PCNX2: variants seen among roughly 807,000 people sequenced by gnomAD.
PCNX2 encodes pecanex 2, also known as pecanex-like protein 2.
Under a neutral mutation model 223.8 loss-of-function variants are expected in PCNX2, and 168 were observed. The ratio of observed to expected loss-of-function variants is 0.75; its 90% CI spans 0.66 to 0.85. PCNX2 has a LOEUF of 0.85. Ranked by LOEUF, PCNX2 falls within the 40% of genes least tolerant of loss-of-function variation. PCNX2 has a pLI of 0.00. For missense variants in PCNX2, 2,507 were observed against 2,675.5 expected (o/e 0.94, Z 1.39); for synonymous variants, 1,006 against 1,052.6 (o/e 0.96, Z 0.86).
the PCNX2 span, among the ~76,000 whole-genome samples, chr1:233,305,400 G>T: frequency 2.0e-5 from 3 of 152,108 alleles, no homozygotes; most frequent in Non-Finnish European, 4.4e-5. Context: ...GATGCTAATT[G>T]TAATCTCTAG....
intron 8 of PCNX2, among the ~76,000 whole-genome samples, chr1:233,243,244 G>A (rs1658885410): frequency 6.6e-6 from 1 of 152,146 alleles, no homozygotes; most frequent in African/African-American, 2.4e-5. Context: ...CGGTAACAAG[G>A]CTCAACAATA....
chr1:233,288,775 T>C lies in PCNX2; in HGVS notation c.153+6551A>G, dbSNP rs1661585365. ...TGGAGGGACTGAGTCTGTAGTTCTT[T>C]TGGAGGCCCAGGACCCAGGAAAGAT... is the stretch of plus-strand genomic sequence containing the variant. On this transcript the variant is annotated intron_variant, in intron 1 of 33. Transcript: ENST00000258229. 6.1e-6 allele frequency: 4 copies of C among 651,942 alleles called. 1 individual carries two copies. In the South Asian group the frequency reaches 6.2e-5, roughly 10 times the overall value. 40.4% of individuals were successfully genotyped at this position (651,942 alleles called of 1,614,324 possible). A position where few individuals can be genotyped will look rare whatever the true frequency, so the allele number is the denominator to read the frequency against.
At chr1:233,239,634 C>T (rs370497232) in intron 8 of PCNX2, among the ~76,000 whole-genome samples, 122 of 152,156 alleles carry the variant, frequency 8.0e-4, no homozygotes, top group Non-Finnish European at 1.3e-3. Flanking sequence ...ATATTTTCCT[C>T]GTAGGTATCA....
rs370457665 is a variant in PCNX2 at position 233,160,394 on chromosome 1, C to T, written c.3406G>A (p.Val1136Met). The change falls in exon 19 of 34, where the codon GTG (valine) becomes ATG (methionine). Residue 1136 changes from valine to methionine, a missense_variant. Val to Met is a conservative substitution (Grantham distance 21). Coordinates refer to ENST00000258229, the MANE Select transcript of PCNX2 (RefSeq NM_014801.4). ...AGCACGTAATGTGTTACAAACCCCA[C>T]GGCTCCAGCCAAGGCAAACAGCACG... ...SIVLFALAGA[V>M]GFVTHYVLPQ... 1.4e-5 allele frequency: 22 copies of T among 1,613,418 alleles called. No homozygotes were observed. Among genetic ancestry groups the T allele is most frequent in the Admixed American group, 1.3e-4 (8 of 59,974 alleles).
chr1:233,042,660 T>A (rs1671682946), intron 25 of PCNX2, among the ~76,000 whole-genome samples: 1 of 152,156 alleles, frequency 6.6e-6, no homozygotes, highest in Non-Finnish European at 1.5e-5. Context: ...TGATGGACTG[T>A]CAAAGCTGGG....
intron 19 of PCNX2, among the ~76,000 whole-genome samples, chr1:233,151,480 T>C (rs1378120226): frequency 6.6e-6 from 1 of 152,212 alleles, no homozygotes; most frequent in Admixed American, 6.5e-5. Context: ...TTCCTGACTT[T>C]TAGTGTTAGT....
At position 233,252,802 on chromosome 1, in the gene PCNX2, CT is replaced by C. The variant is rs1320975976; in HGVS notation, c.1835-15del. 12 of 1,580,098 alleles carry C rather than the reference CT, an allele frequency of 7.6e-6. No homozygotes were observed. In the South Asian group the frequency reaches 1.4e-4, roughly 19 times the overall value. On this transcript the variant is annotated splice_polypyrimidine_tract_variant and intron_variant, in intron 5 of 33. Coordinates refer to ENST00000258229, the MANE Select transcript of PCNX2 (RefSeq NM_014801.4). ...GGGAACAGTTATCTGAAAAACATTG[CT>C]TTACTTGTTAATTTAATATAAAATA...
Position 233,261,276 on chromosome 1 carries a change from A to T in PCNX2, c.517+9T>A. The T allele has an allele frequency of 6.2e-7, 1 of 1,605,096 alleles. No individual in the cohort carries two copies. ...TGCTGTGATAAAATATAAATGATTA[A>T]CAGTTTACCTTTGAGATCTTCTACA... On this transcript the variant is annotated intron_variant, in intron 4 of 33. Transcript: ENST00000258229.
chr1:233,280,588 G>A (rs917092176), intron 1 of PCNX2, among the ~76,000 whole-genome samples: 18 of 152,238 alleles, frequency 1.2e-4, no homozygotes, highest in Middle Eastern at 3.4e-3. Flanking sequence ...ATGAGCCACC[G>A]TGCCTGGTCC....
At chr1:233,293,784 T>C (rs537459304) in intron 1 of PCNX2, among the ~76,000 whole-genome samples, 3 of 152,322 alleles carry the variant, frequency 2.0e-5, no homozygotes, top group South Asian at 2.1e-4. Context: ...TAATTATCCC[T>C]GCTTTACAAA....
chr1:233,248,422 G>A (rs748736436), intron 8 of PCNX2, among the ~76,000 whole-genome samples: 21 of 152,022 alleles, frequency 1.4e-4, no homozygotes, highest in Admixed American at 5.9e-4. Context: ...GGATCTATGA[G>A]AAAGAAGCAT....
chr1:233,051,588 T>C (rs1180999109), intron 25 of PCNX2, among the ~76,000 whole-genome samples: 2 of 152,150 alleles, frequency 1.3e-5, no homozygotes, highest in Admixed American at 6.5e-5. Context: ...AGCAAATTAA[T>C]GCAGGAATAG....
At chr1:233,166,989 A>G (rs1414077183) in intron 17 of PCNX2, among the ~76,000 whole-genome samples, 1 of 152,092 alleles carries the variant, frequency 6.6e-6, no homozygotes, top group East Asian at 1.9e-4. Flanking sequence ...ATTTAAAAAA[A>G]AAGATACTAA....
rs987557203 is a variant in PCNX2 at position 233,172,192 on chromosome 1, T to C, written c.3273+5610A>G. The stretch of plus-strand genomic sequence containing the variant: ...CCAATATCTGAAATATTTGCAGACC[T>C]GTTTCTGCTGGTTCCTTATTTCCAA... On this transcript the variant is annotated intron_variant, in intron 17 of 33. Transcript: ENST00000258229. 2.0e-5 allele frequency among the ~76,000 whole-genome samples: 3 copies of C among 152,368 alleles called. No homozygotes were observed. In the East Asian group the frequency reaches 5.8e-4, roughly 29 times the overall value.
Position 233,167,680 on chromosome 1 carries a change from T to C in PCNX2, c.3274-6317A>G. The C allele has an allele frequency of 2.6e-5, 24 of 923,444 alleles. 1 individual carries two copies. The highest frequency in any genetic ancestry group is 3.0e-5 in the Non-Finnish European group (23 of 773,564). 57.2% of individuals were successfully genotyped at this position (923,444 alleles called of 1,614,324 possible). ...CCTCATGACATTGTGTTATATACTT[T>C]AAATATACACAATAAAATCTCTTTA... On this transcript the variant is annotated intron_variant, in intron 17 of 33. Coordinates refer to ENST00000258229, the MANE Select transcript of PCNX2 (RefSeq NM_014801.4).
chr1:233,219,282 A>T (rs1315031450), intron 10 of PCNX2, among the ~76,000 whole-genome samples: 2 of 152,152 alleles, frequency 1.3e-5, no homozygotes, highest in African/African-American at 2.4e-5. Flanking sequence ...AAATTGCTGG[A>T]GAGGACTGAG....
intron 17 of PCNX2, among the ~76,000 whole-genome samples, chr1:233,175,550 C>A (rs772352140): frequency 6.6e-6 from 1 of 152,090 alleles, no homozygotes; most frequent in Non-Finnish European, 1.5e-5. Flanking sequence ...TCTCAGATAT[C>A]CATGGGGAGA....
chr1:232,995,918 C>T (rs191422244), intron 32 of PCNX2, among the ~76,000 whole-genome samples: 77 of 152,206 alleles, frequency 5.1e-4, no homozygotes, highest in Middle Eastern at 3.4e-3. Context: ...AGTGCTGTGG[C>T]GTGATCTCGG....
rs915582120 is a variant in PCNX2 at position 233,295,045 on chromosome 1, C to A, written c.153+281G>T. ...CCACCTACAAAACAGGCTGCACGCT[C>A]CCTGCCACAAGCAGAGTGACTCATC... On this transcript the variant is annotated intron_variant, in intron 1 of 33. Transcript: ENST00000258229. This position sits in a 1 kb window ranked among gnomAD's most constrained non-coding sequence, Gnocchi z 4.1. Among the ~76,000 whole-genome samples, 4 of 152,160 alleles carry A rather than the reference C, an allele frequency of 2.6e-5. No homozygotes were observed. The highest frequency in any genetic ancestry group is 5.9e-5 in the Non-Finnish European group (4 of 68,032).
Sources: gnomAD v4.1 joint callset for allele counts (sites outside exome capture counted in the v4.1 genomes callset) on GRCh38, gnomAD v4.1.1 for gene constraint, Gnocchi (gnomAD v3.1) non-coding constraint, MANE v1.5 for transcripts, NCBI Gene and HGNC (gene_info 2026-07-23, HGNC 2026-07-21) for gene names.